The following PARG variants were observed in gnomAD, a reference collection of about 807,000 sequenced individuals.
PARG encodes the protein mitochondrial poly(ADP-ribose) glycohydrolase.
PARG carries 35 observed loss-of-function variants against 113.0 expected under a neutral mutation model. The ratio of observed to expected loss-of-function variants is 0.31; its 90% CI spans 0.24 to 0.41. The LOEUF (loss-of-function observed/expected upper bound fraction) is 0.41. Ranked by LOEUF, PARG falls within the 10% of genes least tolerant of loss-of-function variation. The pLI is 1.00. For synonymous variants in PARG, 330 were observed against 409.9 expected (o/e 0.81, Z 2.36); for missense variants, 797 against 1,169.4 (o/e 0.68, Z 4.64).
chr10:49,869,638 A>G (rs1375148085), intron 9 of PARG, 83 bp from the exon 10 acceptor site: 1 of 649,736 alleles, frequency 1.5e-6, no homozygotes. Context: ...ATTGCTACCA[A>G]GTAATACAAA....
chr10:49,910,388 A>C (rs1588976022), intron 7 of PARG, among the ~76,000 whole-genome samples: 4 of 152,360 alleles, frequency 2.6e-5, no homozygotes, highest in Admixed American at 2.6e-4. Context: ...GAAACATATT[A>C]CTAGCCTCAT....
At chr10:49,823,723 G>T (rs374970504) in intron 16 of PARG, among the ~76,000 whole-genome samples, 2 of 151,780 alleles carry the variant, frequency 1.3e-5, no homozygotes, top group African/African-American at 4.8e-5. Context: ...TTAGCTTTAA[G>T]TATTTACTAT....
At chr10:49,828,761 G>C (rs895486940) in intron 16 of PARG, among the ~76,000 whole-genome samples, 4 of 152,236 alleles carry the variant, frequency 2.6e-5, no homozygotes, top group Non-Finnish European at 5.9e-5. Flanking sequence ...TGCAGTCCCA[G>C]CTACTTGGGA....
chr10:49,932,077 C>G (rs1275225640), intron 4 of PARG, 23 bp downstream of exon 4: 1 of 1,355,126 alleles, frequency 7.4e-7, no homozygotes, highest in Admixed American at 1.7e-5. Flanking sequence ...CTTCTCTCAT[C>G]ATAGATAAGA....
chr10:49,853,316 G>A (rs1341750132), intron 13 of PARG, among the ~76,000 whole-genome samples: 3 of 151,936 alleles, frequency 2.0e-5, no homozygotes, highest in Non-Finnish European at 4.4e-5. Context: ...GATTACAGGC[G>A]TGAGCCACTG....
chr10:49,834,804 C>A (rs1050101964), intron 15 of PARG, among the ~76,000 whole-genome samples: 13 of 152,112 alleles, frequency 8.5e-5, no homozygotes, highest in Admixed American at 7.2e-4. Context: ...GGTGCCACTG[C>A]ACTCCAGCCT....
At chr10:49,822,464 T>C (rs1000844558) in intron 16 of PARG, among the ~76,000 whole-genome samples, 1 of 152,092 alleles carries the variant, frequency 6.6e-6, no homozygotes, top group African/African-American at 2.4e-5. Context: ...GAAGGTAAAG[T>C]AGTGCTCAAA....
At chr10:49,902,056 C>T (rs1217615758) in intron 7 of PARG, among the ~76,000 whole-genome samples, 638 of 152,136 alleles carry the variant, frequency 4.2e-3, no homozygotes, top group East Asian at 0.015. Flanking sequence ...AAATAGCCTA[C>T]GTGGATAGTA....
intron 4 of PARG, among the ~76,000 whole-genome samples, chr10:49,930,443 T>C (rs1838426838): frequency 6.6e-6 from 1 of 152,058 alleles, no homozygotes; most frequent in Non-Finnish European, 1.5e-5. Context: ...TGCACAGACA[T>C]GACTTAAGTC....
chr10:49,832,924 A>C lies in PARG; in HGVS notation c.2542-16T>G. 1 of 1,404,360 alleles carries C rather than the reference A, an allele frequency of 7.1e-7. No individual in the cohort carries two copies. Among genetic ancestry groups the C allele is most frequent in the East Asian group, 2.5e-5 (1 of 40,038 alleles). The allele number at this position is 1,404,360 out of a possible 1,614,324, so 87.0% of individuals were successfully genotyped here. On this transcript the variant is annotated splice_polypyrimidine_tract_variant and intron_variant, in intron 15 of 17. Transcript: ENST00000616448. ...CACAGTAAGCCTGCAGGATAAAAGA[A>C]TTATCAAAGCCTGTGAGTGCCTAGA...
At chr10:49,900,245 C>A (rs1848292054) in intron 7 of PARG, among the ~76,000 whole-genome samples, 1 of 151,826 alleles carries the variant, frequency 6.6e-6, no homozygotes, top group Admixed American at 6.6e-5. Context: ...TACTTCCAAT[C>A]TCTCCTAAGC....
chr10:49,846,555 T>C lies in PARG; in HGVS notation c.2354-2923A>G, dbSNP rs1326460805. 2.6e-5 allele frequency among the ~76,000 whole-genome samples: 4 copies of C among 152,308 alleles called. 1 individual carries two copies. The highest frequency in any genetic ancestry group is 1.9e-4 in the East Asian group (1 of 5,192). ...AACAGGTTTACTTTTTGCAGTGGCA[T>C]GGTTTAGAAGTTCTGAAATCACCTT... On this transcript the variant is annotated intron_variant, in intron 13 of 17. Transcript: ENST00000616448.
chr10:49,840,777 A>G (rs1257809350), intron 15 of PARG, among the ~76,000 whole-genome samples: 3 of 152,248 alleles, frequency 2.0e-5, no homozygotes, highest in Non-Finnish European at 4.4e-5. Context: ...AAATCTGTCT[A>G]GATCACTGTT....
chr10:49,882,703 T>C (rs1252563159), intron 8 of PARG, among the ~76,000 whole-genome samples: 8 of 149,126 alleles, frequency 5.4e-5, no homozygotes, highest in African/African-American at 2.0e-4. Context: ...GGCTACCTAC[T>C]ACCTATTATT....
intron 4 of PARG, among the ~76,000 whole-genome samples, chr10:49,923,795 C>T (rs1554850027): frequency 6.6e-6 from 1 of 151,730 alleles, no homozygotes; most frequent in African/African-American, 2.4e-5. Flanking sequence ...GGTATATGAC[C>T]TTATAAGAAC....
chr10:49,876,719 A>G (rs1321206179), intron 9 of PARG, among the ~76,000 whole-genome samples: 3 of 151,816 alleles, frequency 2.0e-5, no homozygotes, highest in South Asian at 2.1e-4. Context: ...ACAATACTAC[A>G]TAACAGTAAG....
At chr10:49,853,034 AT>A (rs4012511) in intron 13 of PARG, among the ~76,000 whole-genome samples, 326 of 133,804 alleles carry the variant, frequency 2.4e-3, no homozygotes, top group Middle Eastern at 8.5e-3. Context: ...TAAAAAAAAA[AT>A]TTTTTTTTTT....
In PARG at chr10:49,819,462, T is replaced by C; in HGVS notation, c.2809A>G (p.Asn937Asp). ...DVYKLLLRYY[N>D]EECRNCSTPG... ...GTGGAACAGTTTCTGCATTCTTCAT[T>C]GTAGTATCGTAGCAACAGCTTATAC... The change falls in exon 18 of 18, where the codon AAT (asparagine) becomes GAT (aspartate). Residue 937 changes from asparagine to aspartate, a missense_variant. By Grantham distance (23) the Asn-to-Asp change is conservative. Coordinates refer to ENST00000616448, the MANE Select transcript of PARG (RefSeq NM_003631.5). The C allele has an allele frequency of 6.4e-7, 1 of 1,551,430 alleles. No homozygotes were observed. The highest frequency in any genetic ancestry group is 8.7e-7 in the Non-Finnish European group (1 of 1,146,734).
At position 49,820,181 on chromosome 10, in the gene PARG, T is replaced by C; in HGVS notation, c.2760A>G (p.Glu920=). The C allele has an allele frequency of 6.5e-7, 1 of 1,547,144 alleles. No individual in the cohort carries two copies. Among genetic ancestry groups the C allele is most frequent in the Non-Finnish European group, 8.7e-7 (1 of 1,142,938 alleles). The change falls in exon 17 of 18, where the codon GAA becomes GAG. Residue 920 remains glutamate (E), a synonymous_variant. Transcript: ENST00000616448. ...CCTACTTACCAACAGTGAGTTTCCTTTCAGTAAGGAAAATGTGCATGCTGT... is the reference window on the plus strand; with the variant it reads ...CCTACTTACCAACAGTGAGTTTCCTCTCAGTAAGGAAAATGTGCATGCTGT... ...DIYSMHIFLT[E]RKLTVGDVYK... is the part of the protein sequence containing the mutation.
Sources: allele counts gnomAD v4.1 joint callset (sites outside exome capture counted in the v4.1 genomes callset), GRCh38; gene constraint gnomAD v4.1.1; transcripts MANE v1.5; gene names NCBI Gene and HGNC (gene_info 2026-07-23, HGNC 2026-07-21).